Variants in PCDHA8 observed in about 807,000 individuals in gnomAD.
PCDHA8 encodes protocadherin alpha 8.
In PCDHA8, 53 loss-of-function variants were observed where a neutral mutation model predicts 61.8. That is an observed-to-expected ratio of 0.86 (90% confidence interval 0.69 to 1.08). The LOEUF is 1.08. Ranked by LOEUF, PCDHA8 falls within the 50% of genes least tolerant of loss-of-function variation. The pLI, the probability that PCDHA8 is intolerant of heterozygous loss-of-function variation, is 0.00. For synonymous variants in PCDHA8, 618 were observed against 556.6 expected, an observed-to-expected ratio of 1.11 and a Z score of -1.55; for missense variants, 1,293 against 1,245.0, an observed-to-expected ratio of 1.04 and a Z score of -0.58.
chr5:140,882,420 A>C, intron 1 of PCDHA8: 1 of 1,614,046 alleles, frequency 6.2e-7, no homozygotes, highest in East Asian at 2.2e-5. Context: ...ATCGCTCAGG[A>C]CCTGGGGCTG....
At chr5:140,939,911 T>C (rs1554213037) in intron 1 of PCDHA8, among the ~76,000 whole-genome samples, 1 of 152,232 alleles carries the variant, frequency 6.6e-6, no homozygotes, top group African/African-American at 2.4e-5. Flanking sequence ...TTCTTTTTTA[T>C]TCTTTTTGTT....
intron 1 of PCDHA8, among the ~76,000 whole-genome samples, chr5:140,924,769 C>T (rs988519447): frequency 1.3e-5 from 2 of 151,766 alleles, no homozygotes; most frequent in Admixed American, 6.6e-5. Flanking sequence ...GTGGTGCGCG[C>T]TTGTAGTCCT....
At chr5:140,960,064 T>G (rs1352718360) in intron 1 of PCDHA8, among the ~76,000 whole-genome samples, 1 of 152,208 alleles carries the variant, frequency 6.6e-6, no homozygotes, top group Admixed American at 6.5e-5. Flanking sequence ...TACAGAAGAT[T>G]CAATTGAAGT....
At chr5:140,945,488 C>T (rs1362622912) in intron 1 of PCDHA8, among the ~76,000 whole-genome samples, 1 of 151,910 alleles carries the variant, frequency 6.6e-6, no homozygotes, top group Non-Finnish European at 1.5e-5. Flanking sequence ...ACCCCAAATA[C>T]CCAAAGCAAT....
At position 140,841,829 on chromosome 5, in the gene PCDHA8, T is replaced by A; in HGVS notation, c.508T>A (p.Tyr170Asn). 2 of 1,613,898 alleles carry A rather than the reference T, an allele frequency of 1.2e-6. No homozygotes were observed. The highest frequency in any genetic ancestry group is 1.7e-6 in the Non-Finnish European group (2 of 1,179,842). The change falls in exon 1 of 4, where the codon TAC (tyrosine) becomes AAC (asparagine). Residue 170 changes from tyrosine (Y) to asparagine (N), a missense_variant. By Grantham distance (143) the Tyr-to-Asn change is moderately radical. Coordinates refer to ENST00000531613, the MANE Select transcript of PCDHA8 (RefSeq NM_018911.3). Reference protein sequence around the residue: ...ADVGANSVLTYRLSSHDYFML... With the variant: ...ADVGANSVLTNRLSSHDYFML... The stretch of plus-strand genomic sequence containing the variant: ...TGTTGGAGCTAACTCCGTGTTAACC[T>A]ACAGGCTTAGCTCTCATGATTACTT...
chr5:140,842,511 T>G lies in PCDHA8; in HGVS notation c.1190T>G (p.Leu397Arg). 6.2e-7 allele frequency: 1 copy of G among 1,613,722 alleles called. No homozygotes were observed. The highest frequency in any genetic ancestry group is 8.5e-7 in the Non-Finnish European group (1 of 1,179,684). The stretch of plus-strand genomic sequence containing the variant: ...CTGATGCCCCATGTCCCCTTCAAGC[T>G]GGTGTCCACCTTCAAGAATTACTAC... ...CSLMPHVPFKLVSTFKNYYSL... is the reference protein window; with the variant it reads ...CSLMPHVPFKRVSTFKNYYSL... The change falls in exon 1 of 4, where the codon CTG (leucine) becomes CGG (arginine). Residue 397 changes from leucine (L) to arginine (R), a missense_variant. Transcript: ENST00000531613.
intron 1 of PCDHA8, chr5:140,861,278 C>T (rs572060208): frequency 5.3e-4 from 99 of 185,718 alleles, no homozygotes; most frequent in African/African-American, 2.3e-3. Flanking sequence ...GCACTGGCTT[C>T]TGCTCCTTGA....
intron 1 of PCDHA8, among the ~76,000 whole-genome samples, chr5:140,954,127 T>A (rs530320994): frequency 2.6e-5 from 4 of 152,372 alleles, no homozygotes; most frequent in Non-Finnish European, 5.9e-5. Context: ...TTCCTTTTTA[T>A]GGATGCATAG....
rs545226629 is a variant in PCDHA8, at chr5:140,856,253, A to G, written c.2394+12538A>G. ...GCGCCTGTTCCGGGTGGCGTCCAAA[A>G]GACACGGGGACCTTCTGGAGGTAAA... On this transcript the variant is annotated intron_variant, in intron 1 of 3. Transcript: ENST00000531613. 2.5e-6 allele frequency: 4 copies of G among 1,597,916 alleles called. No individual in the cohort carries two copies. The African/African-American group carries it at 4.0e-5, about 16-fold the overall frequency.
chr5:140,883,259 G>A (rs573584031), intron 1 of PCDHA8: 1 of 1,614,000 alleles, frequency 6.2e-7, no homozygotes, highest in East Asian at 2.2e-5. Flanking sequence ...TATTCCAATG[G>A]CGGGTCATTG....
At chr5:140,988,489 C>G (rs1197670303) in intron 3 of PCDHA8, among the ~76,000 whole-genome samples, 4 of 152,134 alleles carry the variant, frequency 2.6e-5, no homozygotes, top group Non-Finnish European at 5.9e-5. Flanking sequence ...CATCCCCTAC[C>G]TAGGAGAAGC....
In PCDHA8 at chr5:141,011,716, A is replaced by G. The variant is rs975588316; in HGVS notation, c.*1779A>G. 6.5e-6 allele frequency: 1 copy of G among 153,764 alleles called. No homozygotes were observed. Among genetic ancestry groups the G allele is most frequent in the African/African-American group, 2.4e-5 (1 of 41,450 alleles). 9.5% of individuals were successfully genotyped at this position (153,764 alleles called of 1,614,324 possible). On this transcript the variant is annotated 3_prime_UTR_variant, in exon 4 of 4. Transcript: ENST00000531613. Reference sequence around the variant, plus strand: ...TTGGAATGAATACTGACAATATTCCATGAGGGTGTGCAAGCACAAATTTTA... The same window carrying G: ...TTGGAATGAATACTGACAATATTCCGTGAGGGTGTGCAAGCACAAATTTTA...
intron 1 of PCDHA8, 110 bp downstream of exon 1, chr5:140,843,825 C>T: frequency 8.4e-7 from 1 of 1,188,044 alleles, no homozygotes; most frequent in Non-Finnish European, 1.2e-6. Flanking sequence ...AAAATTTAAA[C>T]ATTGTTTAGT....
At chr5:140,982,617 G>T in intron 3 of PCDHA8, 54 bp downstream of exon 3, 1 of 1,591,926 alleles carries the variant, frequency 6.3e-7, no homozygotes, top group South Asian at 1.1e-5. Context: ...GTGATCAGAT[G>T]ACCTACTTTT....
rs782755765 is a variant in PCDHA8, at chr5:140,869,235, C to T, written c.2394+25520C>T. On this transcript the variant is annotated intron_variant, in intron 1 of 3. Coordinates refer to ENST00000531613, the MANE Select transcript of PCDHA8 (RefSeq NM_018911.3). ...CGGAGGAGGCCAAACACGGCACCTT[C>T]GTGGGCCGCATCGCGCAGGACCTGG... is the stretch of plus-strand genomic sequence containing the variant. 1.2e-5 allele frequency: 19 copies of T among 1,613,568 alleles called. No homozygotes were observed. The South Asian group carries it at 1.5e-4, about 13-fold the overall frequency.
chr5:140,882,539 G>A (rs1303287274), intron 1 of PCDHA8: 2 of 1,614,110 alleles, frequency 1.2e-6, no homozygotes, highest in African/African-American at 2.7e-5. Flanking sequence ...TTCTCGGATC[G>A]ACCGCGAGGA....
At chr5:140,857,099 G>T in intron 1 of PCDHA8, 1 of 1,597,354 alleles carries the variant, frequency 6.3e-7, no homozygotes, top group Non-Finnish European at 8.6e-7. Context: ...TGAGGTGATT[G>T]TCACTTCTCT....
Position 140,844,029 on chromosome 5 carries a change from A to C in PCDHA8, c.2394+314A>C, listed in dbSNP as rs1554140517. Among the ~76,000 whole-genome samples the C allele has an allele frequency of 2.7e-5, 4 of 149,808 alleles. 1 individual carries two copies. The East Asian group carries it at 7.7e-4, about 29-fold the overall frequency. On this transcript the variant is annotated intron_variant, in intron 1 of 3. Coordinates refer to ENST00000531613, the MANE Select transcript of PCDHA8 (RefSeq NM_018911.3). ...CTCTAAGGACGTTCAGGGCATTTTG[A>C]TCTTTGGTGAAAGTATTCCCCCAAA...
At chr5:140,967,618 G>T in intron 1 of PCDHA8, 3 of 1,614,174 alleles carry the variant, frequency 1.9e-6, no homozygotes, top group Non-Finnish European at 2.5e-6. Context: ...CCTCAGACCC[G>T]GATGAGGGCT....
Sources: gnomAD v4.1 joint callset for allele counts (sites outside exome capture counted in the v4.1 genomes callset) on GRCh38, gnomAD v4.1.1 for gene constraint, MANE v1.5 for transcripts, NCBI Gene and HGNC (gene_info 2026-07-23, HGNC 2026-07-21) for gene names.